Variants in HOXC4 observed in about 807,000 individuals in gnomAD.
HOXC4 encodes homeobox C4.
In HOXC4, 15 loss-of-function variants were observed where a neutral mutation model predicts 25.5. That is an observed-to-expected ratio of 0.59 (90% CI 0.39 to 0.91). The LOEUF is 0.91. Among genes scored for constraint, HOXC4 ranks in the 40% least tolerant of loss-of-function variants. The pLI, the probability that HOXC4 is intolerant of heterozygous loss-of-function variation, is 0.00. For missense variants in HOXC4, 342 were observed against 352.4 expected (o/e 0.97, Z 0.24); for synonymous variants, 165 against 148.0 (o/e 1.11, Z -0.83).
At chr12:54,048,993 TAAG>T (rs771632549), upstream of HOXC4, among the ~76,000 whole-genome samples, 3 of 152,054 alleles carry the variant, frequency 2.0e-5, no homozygotes, top group Admixed American at 6.6e-5. Flanking sequence ...ATTTTCATAA[TAAG>T]AAGTAAAGCT....
intron 1 of HOXC4, chr12:54,029,037 C>T (rs1008115998): frequency 2.0e-6 from 2 of 999,918 alleles, no homozygotes; most frequent in East Asian, 2.6e-5. Flanking sequence ...CAATCACGCT[C>T]GTCTCCTCAC....
Position 54,043,379 on chromosome 12 carries a change from C to T in HOXC4, c.-123-9781C>T, listed in dbSNP as rs538738283. Reference sequence around the variant, plus strand: ...GAGGCAGTTCAGGCTTGGTTCTGCCCTCTAAAGATTCTCATTTACCCCAGC... The same window carrying T: ...GAGGCAGTTCAGGCTTGGTTCTGCCTTCTAAAGATTCTCATTTACCCCAGC... On this transcript the variant is annotated intron_variant, in intron 1 of 3. Coordinates refer to the HOXC4 transcript ENST00000303406. Among the ~76,000 whole-genome samples, 70 of 152,328 alleles carry T rather than the reference C, an allele frequency of 4.6e-4. 2 individuals carry two copies. In the Middle Eastern group the frequency reaches 0.014, roughly 30 times the overall value.
chr12:54,022,537 A>C (rs886650380), intron 1 of HOXC4: 2 of 152,152 alleles, frequency 1.3e-5, no homozygotes, highest in African/African-American at 4.8e-5. Flanking sequence ...TTTTGCCAGC[A>C]CAGATTAAAT....
At chr12:54,021,071 T>A (rs1940412614) in intron 1 of HOXC4, 1 of 152,452 alleles carries the variant, frequency 6.6e-6, no homozygotes, top group African/African-American at 2.4e-5. Context: ...GAGTGGTTAA[T>A]AAGGTGGCCT....
chr12:54,054,419 C>T, intron 1 of HOXC4, 58 bp downstream of exon 1: 2 of 1,197,652 alleles, frequency 1.7e-6, no homozygotes, highest in Admixed American at 2.8e-5. Context: ...GCGCTCCCCA[C>T]CCTCCTCGGC....
At chr12:54,030,134 A>C in intron 1 of HOXC4, 1 of 604,528 alleles carries the variant, frequency 1.7e-6, no homozygotes, top group Non-Finnish European at 2.8e-6. Flanking sequence ...CCCCTCCCTC[A>C]CCGCACAACT....
chr12:54,050,199 C>T (rs953970817), upstream of HOXC4, among the ~76,000 whole-genome samples: 4 of 152,144 alleles, frequency 2.6e-5, no homozygotes, highest in East Asian at 5.8e-4. Flanking sequence ...GGTTATCCAA[C>T]GGTCAGTATG....
chr12:54,017,577 G>A (rs1231358786), intron 1 of HOXC4, among the ~76,000 whole-genome samples: 2 of 151,918 alleles, frequency 1.3e-5, no homozygotes, highest in Non-Finnish European at 2.9e-5. Flanking sequence ...AGAGAAACGG[G>A]GTTAAACTGG....
intron 1 of HOXC4, chr12:54,028,330 A>G (rs1940821156): frequency 1.8e-6 from 1 of 568,354 alleles, no homozygotes. Flanking sequence ...TAGGGAATCA[A>G]CAGAAGCAGA....
In HOXC4 at chr12:54,043,428, C is replaced by T. The variant is rs1184661556; in HGVS notation, c.-123-9732C>T. Among the ~76,000 whole-genome samples the T allele has an allele frequency of 5.9e-5, 9 of 152,218 alleles. No individual in the cohort carries two copies. In the South Asian group the frequency reaches 8.3e-4, roughly 14 times the overall value. ...GCCCCTGGCCCTGAACACCAGAATA[C>T]CTGAACACACAGAAACACATATATG... is the stretch of plus-strand genomic sequence containing the variant. On this transcript the variant is annotated intron_variant, in intron 1 of 3. Coordinates refer to the HOXC4 transcript ENST00000303406.
intron 1 of HOXC4, among the ~76,000 whole-genome samples, chr12:54,024,141 C>T (rs1344840275): frequency 2.6e-5 from 4 of 152,218 alleles, no homozygotes; most frequent in African/African-American, 7.2e-5. Context: ...TACTGAAACT[C>T]GGCTTTCTCC....
chr12:54,021,986 A>G (rs1264556534), intron 1 of HOXC4: 1 of 152,264 alleles, frequency 6.6e-6, no homozygotes, highest in East Asian at 1.9e-4. Flanking sequence ...AATAGTCTTA[A>G]AACAGGGCAG....
intron 1 of HOXC4, chr12:54,033,233 G>T: frequency 6.2e-7 from 1 of 1,614,172 alleles, no homozygotes. Context: ...AGGCATCCAG[G>T]TACTGCTACG....
At chr12:54,049,316 C>T (rs889519151), upstream of HOXC4, among the ~76,000 whole-genome samples, 1 of 152,174 alleles carries the variant, frequency 6.6e-6, no homozygotes, top group Non-Finnish European at 1.5e-5. Context: ...ACTATTGGAA[C>T]AAGTCAAACA....
upstream of HOXC4, chr12:54,016,913 C>T (rs2136410368): frequency 6.6e-6 from 1 of 152,344 alleles, no homozygotes; most frequent in South Asian, 2.1e-4. Context: ...CTGTAAGAGC[C>T]TAACCATTGC....
intron 1 of HOXC4, chr12:54,033,488 G>A (rs765905719): frequency 6.3e-7 from 1 of 1,593,298 alleles, no homozygotes; most frequent in South Asian, 1.1e-5. Context: ...AAGAGGAGCA[G>A]GCGCAGACAG....
In HOXC4 at chr12:54,054,028, T is replaced by C. The variant is rs1937908544; in HGVS notation, c.106T>C (p.Tyr36His). The C allele has an allele frequency of 6.2e-7, 1 of 1,613,490 alleles. No homozygotes were observed. The highest frequency in any genetic ancestry group is 1.3e-5 in the African/African-American group (1 of 75,018). The change falls in exon 1 of 2, where the codon TAT becomes CAT. Residue 36 changes from tyrosine to histidine, a missense_variant. Physicochemically the swap from Tyr to His is moderately conservative, Grantham distance 83. Transcript: ENST00000430889. ...CTACATCCCTGAACACAGTCCGGAA[T>C]ATTACGGCCGGACCAGGGAATCGGG... ...NSYIPEHSPE[Y>H]YGRTRESGFQ...
At chr12:54,038,771 T>A (rs1282094561) in intron 1 of HOXC4, among the ~76,000 whole-genome samples, 1 of 151,762 alleles carries the variant, frequency 6.6e-6, no homozygotes, top group African/African-American at 2.4e-5. Context: ...CTGCTGTGAG[T>A]GGAGTGTAAT....
At chr12:54,044,531 A>G (rs924990537) in intron 1 of HOXC4, among the ~76,000 whole-genome samples, 1 of 152,144 alleles carries the variant, frequency 6.6e-6, no homozygotes, top group Non-Finnish European at 1.5e-5. Flanking sequence ...TCTTTCCCCA[A>G]GCCCCAAACC....
Sources: allele counts gnomAD v4.1 joint callset (sites outside exome capture counted in the v4.1 genomes callset), GRCh38; gene constraint gnomAD v4.1.1; transcripts MANE v1.5; gene names NCBI Gene and HGNC (gene_info 2026-07-23, HGNC 2026-07-21).